The following DNAH2 variants were observed in gnomAD, a reference collection of about 807,000 sequenced individuals.
DNAH2 encodes the protein dynein axonemal heavy chain 2.
In DNAH2, 323 loss-of-function variants were observed where a neutral mutation model predicts 523.5. That is an observed-to-expected ratio of 0.62 (90% CI 0.56 to 0.68). The LOEUF (loss-of-function observed/expected upper bound fraction) is 0.68, where lower values mean the gene tolerates loss of function less well. DNAH2 is among the 30% of genes least tolerant of loss of function. DNAH2 has a pLI of 0.00. For synonymous variants in DNAH2, 2,093 were observed against 2,177.4 expected (o/e 0.96, Z 1.08); for missense variants, 4,907 against 5,701.5 (o/e 0.86, Z 4.49).
chr17:7,738,160 C>T (rs1055252414), intron 8 of DNAH2: 21 of 700,952 alleles, frequency 3.0e-5, no homozygotes, highest in Admixed American at 1.2e-4. Context: ...TCTCAACTCC[C>T]TTGTCAGCCC....
At chr17:7,761,955 A>G (rs2076017694) in intron 18 of DNAH2, among the ~76,000 whole-genome samples, 2 of 151,676 alleles carry the variant, frequency 1.3e-5, no homozygotes, top group Non-Finnish European at 2.9e-5. Flanking sequence ...TGAGGGCTCT[A>G]GAGTAGTAAG....
intron 49 of DNAH2, among the ~76,000 whole-genome samples, chr17:7,795,603 G>A (rs2077038450): frequency 6.6e-6 from 1 of 150,846 alleles, no homozygotes; most frequent in Admixed American, 6.6e-5. Context: ...GAGCCCAGGA[G>A]GTCGAGCCTG....
In DNAH2 at chr17:7,760,365, A is replaced by C. The variant is rs909239366; in HGVS notation, c.2786-375A>C. ...GACAGAGTGAGACTCCATCTAAAAA[A>C]AAAAACAAAAACAGGGGGGCCAGAC... On this transcript the variant is annotated intron_variant, in intron 17 of 85. Coordinates refer to ENST00000572933, the MANE Select transcript of DNAH2 (RefSeq NM_020877.5). The surrounding 1 kb of genome is among the most constrained non-coding windows in gnomAD (Gnocchi z 4.0). 4.6e-5 allele frequency among the ~76,000 whole-genome samples: 7 copies of C among 151,772 alleles called. No individual in the cohort carries two copies. The highest frequency in any genetic ancestry group is 2.1e-4 in the South Asian group (1 of 4,826).
rs115582423 is a variant in DNAH2, at chr17:7,742,461, C to T, written c.1690-467C>T. Among the ~76,000 whole-genome samples the T allele has an allele frequency of 6.3e-3, 959 of 152,228 alleles. 10 individuals carry two copies. Among genetic ancestry groups the T allele is most frequent in the African/African-American group, 0.022 (924 of 41,542 alleles). On this transcript the variant is annotated intron_variant, in intron 11 of 85. Transcript: ENST00000572933. ...AACAAAACAAACAAATGAACACACA[C>T]ACCCTTTGGGAATAAAGGTTGAAAG...
intron 4 of DNAH2, among the ~76,000 whole-genome samples, chr17:7,727,754 C>CAAA (rs766811062): frequency 2.0e-3 from 99 of 48,808 alleles, no homozygotes; most frequent in Middle Eastern, 0.012. Context: ...GACTCTGTCT[C>CAAA]AAAAAAAAAA....
At chr17:7,806,765 G>A (rs182410210) in intron 61 of DNAH2, among the ~76,000 whole-genome samples, 7 of 152,012 alleles carry the variant, frequency 4.6e-5, no homozygotes, top group Non-Finnish European at 8.8e-5. Flanking sequence ...AATGGGAACC[G>A]GGACTCTGTG....
Position 7,796,638 on chromosome 17 carries a change from C to T in DNAH2, c.7849C>T (p.Arg2617Ter), listed in dbSNP as rs904406514. 7.4e-6 allele frequency: 12 copies of T among 1,612,020 alleles called. No homozygotes were observed. Among genetic ancestry groups the T allele is most frequent in the Admixed American group, 3.4e-5 (2 of 59,688 alleles). Residue 2617 changes from arginine (R) to a stop codon, truncating the protein, a stop_gained, in exon 50 of 86, where the codon CGA becomes TGA. Transcript: ENST00000572933. LOFTEE classifies it high-confidence loss of function. The stretch of plus-strand genomic sequence containing the variant: ...CAAGATGCATTACCTCTTCAACCTT[C>T]GAGACATCTCCAAGGTGACTCGCGG... Reference protein sequence around the residue: ...PTKMHYLFNLRDISKVFQGML... With the variant: ...PTKMHYLFNL
Position 7,817,817 on chromosome 17 carries a change from C to T in DNAH2, c.10197C>T (p.Ala3399=), listed in dbSNP as rs1300595492. ...GGGCACTGATGATCGACCCTCAGGCCCAGGCCCTGAAATGGATTAAGAACA... is the reference window on the plus strand; with the variant it reads ...GGGCACTGATGATCGACCCTCAGGCTCAGGCCCTGAAATGGATTAAGAACA... ...NRWALMIDPQ[A]QALKWIKNME... The change falls in exon 67 of 86, where the codon GCC becomes GCT. Residue 3399 remains alanine (A), a synonymous_variant. Transcript: ENST00000572933. 1.2e-6 allele frequency: 2 copies of T among 1,613,946 alleles called. No homozygotes were observed. The highest frequency in any genetic ancestry group is 2.2e-5 in the East Asian group (1 of 44,880).
intron 33 of DNAH2, 145 bp downstream of exon 33, chr17:7,777,779 C>A: frequency 9.4e-7 from 1 of 1,062,024 alleles, no homozygotes; most frequent in South Asian, 1.5e-5. Context: ...CCTTCCATCT[C>A]CTCCCCACAA....
intron 12 of DNAH2, among the ~76,000 whole-genome samples, chr17:7,748,807 A>AT (rs762032878): frequency 0.014 from 2,021 of 143,414 alleles, 28 homozygotes; most frequent in African/African-American, 0.038. Context: ...CGCCACACAG[A>AT]TTTTTTTTTT....
intron 2 of DNAH2, among the ~76,000 whole-genome samples, chr17:7,722,584 C>A (rs1387462652): frequency 6.6e-6 from 1 of 152,122 alleles, no homozygotes; most frequent in East Asian, 1.9e-4. Flanking sequence ...ATCCCAGGAA[C>A]CGCTCATCTA....
At position 7,793,042 on chromosome 17, in the gene DNAH2, T is replaced by A. The variant is rs765592307; in HGVS notation, c.7406T>A (p.Val2469Asp). ...ESRVEKRTKG[V>D]YVPFGGKSMI... ...AGGGTTGAGAAGCGAACCAAGGGTG[T>A]CTACGTGCCATTCGGGGGCAAAAGC... The change falls in exon 48 of 86, where the codon GTC becomes GAC. Residue 2469 changes from valine (V) to aspartate (D), a missense_variant. By Grantham distance (152) the Val-to-Asp change is radical. Coordinates refer to ENST00000572933, the MANE Select transcript of DNAH2 (RefSeq NM_020877.5). 1 of 1,614,138 alleles carries A rather than the reference T, an allele frequency of 6.2e-7. No homozygotes were observed. The highest frequency in any genetic ancestry group is 1.1e-5 in the South Asian group (1 of 91,080).
chr17:7,824,934 G>A (rs2077978054), intron 77 of DNAH2, among the ~76,000 whole-genome samples: 1 of 152,184 alleles, frequency 6.6e-6, no homozygotes, highest in Non-Finnish European at 1.5e-5. Context: ...GCCACGCACT[G>A]TTCTAAGTTC....
chr17:7,748,562 C>T (rs2075580466), intron 12 of DNAH2, among the ~76,000 whole-genome samples: 1 of 152,222 alleles, frequency 6.6e-6, no homozygotes, highest in African/African-American at 2.4e-5. Context: ...CTGGTGCAAT[C>T]TTGGCTCACT....
In DNAH2 at chr17:7,798,851, T is replaced by A; in HGVS notation, c.8559+133T>A. 1 of 1,314,040 alleles carries A rather than the reference T, an allele frequency of 7.6e-7. No individual in the cohort carries two copies. Among genetic ancestry groups the A allele is most frequent in the Non-Finnish European group, 1.0e-6 (1 of 958,414 alleles). The allele number at this position is 1,314,040 out of a possible 1,614,324, so 81.4% of individuals were successfully genotyped here. A position where few individuals can be genotyped will look rare whatever the true frequency, so the allele number is the denominator to read the frequency against. On this transcript the variant is annotated intron_variant, in intron 55 of 85. Transcript: ENST00000572933. The surrounding 1 kb of genome is among the most constrained non-coding windows in gnomAD (Gnocchi z 5.5). Reference sequence around the variant, plus strand: ...ACCCCCACTGCCCACCTCAGCCCTGTAAGGTGGAAGGTCCCCTCCAGGGAC... The same window carrying A: ...ACCCCCACTGCCCACCTCAGCCCTGAAAGGTGGAAGGTCCCCTCCAGGGAC...
At position 7,828,090 on chromosome 17, in the gene DNAH2, G is replaced by GT. The variant is rs981983345; in HGVS notation, c.11854-2209dup. Among the ~76,000 whole-genome samples the GT allele has an allele frequency of 6.6e-6, 1 of 151,802 alleles. No homozygotes were observed. The highest frequency in any genetic ancestry group is 2.4e-5 in the African/African-American group (1 of 41,230). On this transcript the variant is annotated intron_variant, in intron 77 of 85. Coordinates refer to ENST00000572933, the MANE Select transcript of DNAH2 (RefSeq NM_020877.5). The surrounding 1 kb of genome is among the most constrained non-coding windows in gnomAD (Gnocchi z 4.1). ...TGTGCCACCACTCTGGCTAATTTTT[G>GT]TGTTTTTTTGTAGAGACTGGATTTC... is the stretch of plus-strand genomic sequence containing the variant.
chr17:7,819,310 C>T lies in DNAH2; in HGVS notation c.10917C>T (p.Ile3639=). The stretch of plus-strand genomic sequence containing the variant: ...ACCAGTTCTCACTGGATGCCTACAT[C>T]AGCCTCTTTATTCTCAGCATTGACA... The part of the protein sequence containing the change: ...PMYQFSLDAY[I]SLFILSIDKS... The change falls in exon 72 of 86, where the codon ATC becomes ATT. Residue 3639 remains isoleucine, a synonymous_variant. Coordinates refer to ENST00000572933, the MANE Select transcript of DNAH2 (RefSeq NM_020877.5). 5 of 1,614,240 alleles carry T rather than the reference C, an allele frequency of 3.1e-6. No individual in the cohort carries two copies. Among genetic ancestry groups the T allele is most frequent in the Non-Finnish European group, 4.2e-6 (5 of 1,180,054 alleles).
chr17:7,757,286 T>C, intron 13 of DNAH2, 49 bp downstream of exon 13: 3 of 1,592,382 alleles, frequency 1.9e-6, no homozygotes, highest in Non-Finnish European at 2.6e-6. Flanking sequence ...ATTTTATTCC[T>C]TCTTTTTCTC....
Position 7,804,972 on chromosome 17 carries a change from C to T in DNAH2, c.9198C>T (p.Asn3066=). 2 of 1,614,086 alleles carry T rather than the reference C, an allele frequency of 1.2e-6. No homozygotes were observed. The highest frequency in any genetic ancestry group is 2.2e-5 in the East Asian group (1 of 44,888). The change falls in exon 60 of 86, where the codon AAC becomes AAT. Residue 3066 remains asparagine, a synonymous_variant. Transcript: ENST00000572933. ...TTCATCCCTAGGCCGTAACAGCCAA[C>T]AGTGAAAAGATTGCAGTTGAGGAAA... ...ADEQQKAVTA[N]SEKIAVEEIK...
Sources: gnomAD v4.1 joint callset for allele counts (sites outside exome capture counted in the v4.1 genomes callset) on GRCh38, gnomAD v4.1.1 for gene constraint, Gnocchi (gnomAD v3.1) non-coding constraint, MANE v1.5 for transcripts, NCBI Gene and HGNC (gene_info 2026-07-23, HGNC 2026-07-21) for gene names.